The following METTL15 variants were observed in gnomAD, a reference collection of about 807,000 sequenced individuals.
METTL15 encodes methyltransferase 15, mitochondrial 12S rRNA N4-cytidine, also known as 12S rRNA N(4)-cytidine methyltransferase METTL15.
In METTL15, 34 loss-of-function variants were observed where a neutral mutation model predicts 38.3. That is an observed-to-expected ratio of 0.89 (90% confidence interval 0.68 to 1.18). The LOEUF is 1.18. Ranked by LOEUF, METTL15 falls within the 50% of genes most tolerant of loss-of-function variation. METTL15 has a pLI of 0.00. For missense variants in METTL15, 438 were observed against 498.4 expected (o/e 0.88, Z 1.15); for synonymous variants, 162 against 170.9 (o/e 0.95, Z 0.41).
chr11:28,179,886 G>C (rs576059276), intron 3 of METTL15, among the ~76,000 whole-genome samples: 1 of 151,840 alleles, frequency 6.6e-6, no homozygotes. Context: ...GAGAGTTCCA[G>C]TTGTTTCACA....
At chr11:28,393,913 C>G (rs1850540220) in intron 5 of METTL15, among the ~76,000 whole-genome samples, 1 of 152,024 alleles carries the variant, frequency 6.6e-6, no homozygotes, top group South Asian at 2.1e-4. Context: ...TTTAAATTAT[C>G]TCCCAAATTG....
At chr11:28,404,292 T>C (rs540682243) in intron 5 of METTL15, among the ~76,000 whole-genome samples, 1 of 152,150 alleles carries the variant, frequency 6.6e-6, no homozygotes, top group South Asian at 2.1e-4. Context: ...ACAAAACAAT[T>C]ACCATAAATT....
chr11:28,213,161 C>T (rs1852712891), intron 4 of METTL15, among the ~76,000 whole-genome samples: 1 of 152,056 alleles, frequency 6.6e-6, no homozygotes, highest in South Asian at 2.1e-4. Context: ...TTTTTTACTT[C>T]ACTGACAAAA....
chr11:28,339,806 G>A (rs952433422), intron 3 of METTL15, among the ~76,000 whole-genome samples: 1 of 152,098 alleles, frequency 6.6e-6, no homozygotes, highest in East Asian at 1.9e-4. Flanking sequence ...AAGGAAAGAG[G>A]CATTCTCAAG....
intron 3 of METTL15, among the ~76,000 whole-genome samples, chr11:28,133,718 A>G (rs1590782334): frequency 6.6e-6 from 1 of 152,156 alleles, no homozygotes; most frequent in African/African-American, 2.4e-5. Context: ...GCTCCTACCA[A>G]CAATCAGCAC....
intron 3 of METTL15, among the ~76,000 whole-genome samples, chr11:28,140,710 G>C (rs1849668469): frequency 6.6e-6 from 1 of 152,200 alleles, no homozygotes. Context: ...AAAAAGAGGG[G>C]TCCTGAAAGC....
At chr11:28,229,993 A>G (rs1415639942) in intron 4 of METTL15, among the ~76,000 whole-genome samples, 1 of 151,956 alleles carries the variant, frequency 6.6e-6, no homozygotes, top group African/African-American at 2.4e-5. Context: ...CTATATTCAT[A>G]TGCTGCTGGC....
At chr11:28,377,522 G>C (rs1850330866) in intron 5 of METTL15, among the ~76,000 whole-genome samples, 1 of 151,760 alleles carries the variant, frequency 6.6e-6, no homozygotes, top group South Asian at 2.1e-4. Context: ...GCTCCTTTAA[G>C]CACTTCTCTG....
chr11:28,194,178 C>CTTTCTTTCTTTCTTTCTTTCTT (rs1373046857), intron 3 of METTL15, among the ~76,000 whole-genome samples: 1 of 12,262 alleles, frequency 8.2e-5, no homozygotes, highest in Admixed American at 7.3e-4. Flanking sequence ...CTTTCTTTTT[C>CTTTCTTTCTTTCTTTCTTTCTT]TCTCTCTCTC....
intron 4 of METTL15, among the ~76,000 whole-genome samples, chr11:28,240,959 G>C (rs1854268268): frequency 6.6e-6 from 1 of 152,116 alleles, no homozygotes; most frequent in Non-Finnish European, 1.5e-5. Context: ...AATAAAAGCT[G>C]TACTTTTAAA....
At chr11:28,292,184 A>G (rs1805325978) in intron 5 of METTL15, among the ~76,000 whole-genome samples, 1 of 147,638 alleles carries the variant, frequency 6.8e-6, no homozygotes, top group Non-Finnish European at 1.5e-5. Context: ...CATTAGGTAT[A>G]TCTCCTAATG....
chr11:28,343,830 C>T (rs181506309), intron 3 of METTL15, among the ~76,000 whole-genome samples: 47 of 152,184 alleles, frequency 3.1e-4, no homozygotes, highest in Admixed American at 1.4e-3. Flanking sequence ...GCTTCTTGTT[C>T]TTGAAGACTG....
intron 3 of METTL15, among the ~76,000 whole-genome samples, chr11:28,122,813 T>G (rs924127904): frequency 6.6e-6 from 1 of 152,008 alleles, no homozygotes; most frequent in African/African-American, 2.4e-5. Context: ...CAACAACTTA[T>G]TCAATTATTT....
intron 6 of METTL15, among the ~76,000 whole-genome samples, chr11:28,497,786 C>G (rs1206846313): frequency 1.3e-5 from 2 of 152,028 alleles, no homozygotes; most frequent in African/African-American, 4.8e-5. Flanking sequence ...AGGCTGGATG[C>G]GGTGACTCAC....
chr11:28,472,056 T>A (rs1851308737), intron 6 of METTL15, among the ~76,000 whole-genome samples: 1 of 152,128 alleles, frequency 6.6e-6, no homozygotes, highest in Non-Finnish European at 1.5e-5. Context: ...AGGTTTGCAA[T>A]AGAAACTTTG....
chr11:28,224,106 A>G (rs1853369958), intron 4 of METTL15, among the ~76,000 whole-genome samples: 1 of 152,070 alleles, frequency 6.6e-6, no homozygotes, highest in Admixed American at 6.6e-5. Context: ...ATATGAAAGT[A>G]TAAACTCACC....
Position 28,296,900 on chromosome 11 carries a change from C to A in METTL15, c.747C>A (p.Thr249=). The A allele has an allele frequency of 6.2e-7, 1 of 1,613,530 alleles. No homozygotes were observed. The highest frequency in any genetic ancestry group is 8.5e-7 in the Non-Finnish European group (1 of 1,179,672). Residue 249 remains threonine (T), a synonymous_variant, in exon 6 of 7, where the codon ACC becomes ACA. Coordinates refer to ENST00000407364, the MANE Select transcript of METTL15 (RefSeq NM_001113528.2). The part of the protein sequence containing the change: ...IVQARSIYPI[T]RTQQLASIVA... ...AGGCACGCAGCATCTACCCCATCAC[C>A]AGAACCCAGCAGCTTGCCAGCATCG...
intron 6 of METTL15, among the ~76,000 whole-genome samples, chr11:28,462,911 G>A (rs1191633865): frequency 6.6e-6 from 1 of 152,104 alleles, no homozygotes. Flanking sequence ...TGTAAGCTGA[G>A]ACTTTTGAAA....
intron 4 of METTL15, chr11:28,261,441 C>G (rs907614128): frequency 2.7e-4 from 43 of 156,804 alleles, no homozygotes; most frequent in African/African-American, 9.9e-4. Context: ...GGGACACCCA[C>G]CTTGTCAGCC....
Sources: gnomAD v4.1 joint callset for allele counts (sites outside exome capture counted in the v4.1 genomes callset) on GRCh38, gnomAD v4.1.1 for gene constraint, MANE v1.5 for transcripts, NCBI Gene and HGNC (gene_info 2026-07-23, HGNC 2026-07-21) for gene names.